The following ACACB variants were observed in gnomAD, a reference collection of about 807,000 sequenced individuals.
ACACB encodes acetyl-CoA carboxylase beta, also known as acetyl-CoA carboxylase 2.
A neutral mutation model predicts 278.8 loss-of-function variants in ACACB; 209 were observed. The observed-to-expected ratio is 0.75, with a 90% CI of 0.67 to 0.84. ACACB has a LOEUF of 0.84. ACACB is among the 40% of genes least tolerant of loss of function. The probability of loss-of-function intolerance (pLI) is 0.00; values close to 1 mark genes in which losing one functional copy is unlikely to be tolerated. For missense variants in ACACB, 2,850 were observed against 3,269.0 expected, an observed-to-expected ratio of 0.87 and a Z score of 3.13; for synonymous variants, 1,174 against 1,285.6, an observed-to-expected ratio of 0.91 and a Z score of 1.86.
At chr12:109,167,062 G>A in intron 3 of ACACB, 69 bp downstream of exon 3, 1 of 1,603,212 alleles carries the variant, frequency 6.2e-7, no homozygotes, top group East Asian at 2.2e-5. Context: ...CTCAGCTGGA[G>A]GTGGGAGATT....
At chr12:109,193,567 G>A (rs763772014) in intron 15 of ACACB, 81 bp from the exon 16 acceptor site, 24 of 1,199,198 alleles carry the variant, frequency 2.0e-5, no homozygotes, top group African/African-American at 6.0e-5. Context: ...AGAGAGTTGC[G>A]TAATTTTTTT....
At chr12:109,140,227 CTT>C (rs2043070806) in intron 2 of ACACB, among the ~76,000 whole-genome samples, 169 bp downstream of exon 2, 1 of 134,086 alleles carries the variant, frequency 7.5e-6, no homozygotes, top group Non-Finnish European at 1.7e-5. Context: ...TCCTTCCTTC[CTT>C]CCTTCCTTCC....
chr12:109,258,477 AC>A, intron 46 of ACACB, 113 bp downstream of exon 46: 2 of 812,734 alleles, frequency 2.5e-6, no homozygotes, highest in Non-Finnish European at 3.9e-6. Context: ...GAAGCAGGGG[AC>A]CCAGTGCAGT....
intron 4 of ACACB, 90 bp downstream of exon 4, chr12:109,168,124 A>T: frequency 2.1e-6 from 3 of 1,407,216 alleles, no homozygotes; most frequent in Admixed American, 2.2e-5. Context: ...TCCATCCTGG[A>T]CTCCCGATGG....
At chr12:109,175,077 T>G (rs1165263033) in intron 7 of ACACB, among the ~76,000 whole-genome samples, 1 of 152,202 alleles carries the variant, frequency 6.6e-6, no homozygotes, top group East Asian at 1.9e-4. Context: ...TTAAAAAATA[T>G]TCAAAGGAAT....
At chr12:109,161,043 A>T (rs1206642498) in intron 2 of ACACB, among the ~76,000 whole-genome samples, 1 of 152,178 alleles carries the variant, frequency 6.6e-6, no homozygotes, top group African/African-American at 2.4e-5. Flanking sequence ...CGTGGACAGA[A>T]TGAGGGGTGC....
chr12:109,111,666 C>T (rs992687909), upstream of ACACB, among the ~76,000 whole-genome samples: 4 of 151,970 alleles, frequency 2.6e-5, no homozygotes, highest in African/African-American at 9.7e-5. Flanking sequence ...AGCAATCCTC[C>T]CACCTCAGCC....
chr12:109,148,954 G>A (rs897135886), intron 2 of ACACB, among the ~76,000 whole-genome samples: 2 of 152,066 alleles, frequency 1.3e-5, no homozygotes, highest in Non-Finnish European at 2.9e-5. Flanking sequence ...ATTTTATAAT[G>A]CATTTTAACA....
intron 24 of ACACB, among the ~76,000 whole-genome samples, chr12:109,219,481 T>C (rs1195853651): frequency 6.6e-6 from 1 of 152,204 alleles, no homozygotes; most frequent in African/African-American, 2.4e-5. Flanking sequence ...GGCCCAGGCA[T>C]TAGTGCTTTT....
At chr12:109,180,962 G>A (rs917515014) in intron 11 of ACACB, among the ~76,000 whole-genome samples, 1 of 151,968 alleles carries the variant, frequency 6.6e-6, no homozygotes, top group Non-Finnish European at 1.5e-5. Flanking sequence ...AATCATCCTC[G>A]CTTTCCATGC....
chr12:109,231,128 A>AG (rs2046456300), intron 28 of ACACB, among the ~76,000 whole-genome samples: 1 of 151,486 alleles, frequency 6.6e-6, no homozygotes, highest in South Asian at 2.1e-4. Context: ...CCGAGACCCA[A>AG]GGGAAGGTCA....
chr12:109,211,616 A>G (rs1218643527), intron 21 of ACACB, among the ~76,000 whole-genome samples: 3 of 152,154 alleles, frequency 2.0e-5, no homozygotes, highest in Non-Finnish European at 2.9e-5. Context: ...GAAGTAGATT[A>G]GTGGCCGCCA....
intron 1 of ACACB, among the ~76,000 whole-genome samples, chr12:109,130,517 T>G (rs944852921): frequency 2.6e-5 from 4 of 152,164 alleles, no homozygotes; most frequent in African/African-American, 9.7e-5. Context: ...TGTGGCTAAT[T>G]GCACATGTGA....
At chr12:109,169,142 C>CAGA (rs1555211207) in intron 4 of ACACB, among the ~76,000 whole-genome samples, 1 of 105,836 alleles carries the variant, frequency 9.4e-6, no homozygotes, top group Non-Finnish European at 1.8e-5. Context: ...GAGACTGTCT[C>CAGA]AAAAAAAAAA....
At chr12:109,230,806 CATGCCTT>C (rs2136587053) in intron 28 of ACACB, among the ~76,000 whole-genome samples, 1 of 152,290 alleles carries the variant, frequency 6.6e-6, no homozygotes, top group East Asian at 1.9e-4. Flanking sequence ...GGCTGTGGGT[CATGCCTT>C]GTGAGCTACA....
chr12:109,250,196 C>G, intron 41 of ACACB, 92 bp downstream of exon 41: 1 of 1,361,436 alleles, frequency 7.3e-7, no homozygotes, highest in Non-Finnish European at 9.7e-7. Context: ...ATAATAAGCC[C>G]CATGTGCCCG....
intron 34 of ACACB, among the ~76,000 whole-genome samples, chr12:109,238,174 G>A (rs959116412): frequency 6.6e-5 from 10 of 150,846 alleles, no homozygotes; most frequent in East Asian, 1.9e-4. Flanking sequence ...ACACAATTCC[G>A]TCCCTGAAAC....
chr12:109,139,191 C>G (rs980739694), intron 1 of ACACB, among the ~76,000 whole-genome samples: 7 of 152,100 alleles, frequency 4.6e-5, no homozygotes, highest in Non-Finnish European at 1.0e-4. Flanking sequence ...TTCCTTGAAC[C>G]TTGGCAGGAA....
intron 1 of ACACB, among the ~76,000 whole-genome samples, chr12:109,135,620 T>C (rs1430519122): frequency 2.0e-5 from 3 of 151,790 alleles, no homozygotes; most frequent in African/African-American, 7.3e-5. Flanking sequence ...AATTGACAAA[T>C]CCAAGGTCAT....
Sources: gnomAD v4.1 joint callset for allele counts (sites outside exome capture counted in the v4.1 genomes callset) on GRCh38, gnomAD v4.1.1 for gene constraint, MANE v1.5 for transcripts, NCBI Gene and HGNC (gene_info 2026-07-23, HGNC 2026-07-21) for gene names.